SORCS3: variants seen among roughly 807,000 people sequenced by gnomAD.
The protein encoded by SORCS3 is VPS10 domain-containing receptor SorCS3.
Under a neutral mutation model 146.3 loss-of-function variants are expected in SORCS3, and 57 were observed. That is an observed-to-expected ratio of 0.39 (90% CI 0.31 to 0.49). The LOEUF is 0.49. Ranked by LOEUF, SORCS3 falls within the 20% of genes least tolerant of loss-of-function variation. SORCS3 has a pLI of 0.92. For missense variants in SORCS3, 1,341 were observed against 1,575.5 expected (o/e 0.85, Z 2.52); for synonymous variants, 653 against 618.5 (o/e 1.06, Z -0.83).
At chr10:105,176,407 G>A (rs896842827) in intron 13 of SORCS3, among the ~76,000 whole-genome samples, 2 of 151,826 alleles carry the variant, frequency 1.3e-5, no homozygotes, top group African/African-American at 4.8e-5. Flanking sequence ...AAAAAAATTA[G>A]CCAGGTCCAG....
intron 23 of SORCS3, among the ~76,000 whole-genome samples, chr10:105,253,677 T>C (rs945261803): frequency 5.9e-5 from 9 of 152,208 alleles, no homozygotes; most frequent in African/African-American, 1.9e-4. Flanking sequence ...AAACATTTGC[T>C]CTCATATGAG....
intron 2 of SORCS3, among the ~76,000 whole-genome samples, chr10:104,904,008 T>G (rs989410790): frequency 6.6e-6 from 1 of 152,234 alleles, no homozygotes; most frequent in African/African-American, 2.4e-5. Flanking sequence ...TATTTTAAAA[T>G]GAGTCAATAT....
At chr10:104,718,664 A>G (rs764652368) in intron 1 of SORCS3, among the ~76,000 whole-genome samples, 1 of 152,192 alleles carries the variant, frequency 6.6e-6, no homozygotes, top group Non-Finnish European at 1.5e-5. Context: ...GATTGCAGTA[A>G]TGGGCCCCTG....
At chr10:105,220,342 C>A (rs1302696887) in intron 19 of SORCS3, among the ~76,000 whole-genome samples, 1 of 152,150 alleles carries the variant, frequency 6.6e-6, no homozygotes, top group African/African-American at 2.4e-5. Flanking sequence ...TTGTGAACGC[C>A]ACATCCTTTT....
At chr10:104,828,427 A>G (rs141425362) in intron 1 of SORCS3, among the ~76,000 whole-genome samples, 29 of 152,274 alleles carry the variant, frequency 1.9e-4, no homozygotes, top group African/African-American at 6.0e-4. Context: ...ACATTTGTCA[A>G]TTAAGTTCAC....
rs943314807 is a variant in SORCS3 at position 105,264,400 on chromosome 10, A to G, written c.*1026A>G. 1 of 152,244 alleles carries G rather than the reference A, an allele frequency of 6.6e-6. No individual in the cohort carries two copies. The highest frequency in any genetic ancestry group is 1.5e-5 in the Non-Finnish European group (1 of 68,044). 9.4% of individuals were successfully genotyped at this position (152,244 alleles called of 1,614,324 possible). A position where few individuals can be genotyped will look rare whatever the true frequency, so the allele number is the denominator to read the frequency against. ...ATCTTAAAATGACAATCTGTTTTTA[A>G]ATTGGATTCTATGAAAATGCATAAT... is the stretch of plus-strand genomic sequence containing the variant. On this transcript the variant is annotated 3_prime_UTR_variant, in exon 27 of 27. Coordinates refer to ENST00000369701, the MANE Select transcript of SORCS3 (RefSeq NM_014978.3).
chr10:104,645,792 C>T lies in SORCS3; in HGVS notation c.627+3838C>T, dbSNP rs144446052. 1.1e-3 allele frequency among the ~76,000 whole-genome samples: 161 copies of T among 152,260 alleles called. 1 individual carries two copies. The highest frequency in any genetic ancestry group is 1.5e-3 in the South Asian group (7 of 4,822). On this transcript the variant is annotated intron_variant, in intron 1 of 26. Coordinates refer to ENST00000369701, the MANE Select transcript of SORCS3 (RefSeq NM_014978.3). The stretch of plus-strand genomic sequence containing the variant: ...TGGACTGTGTTCTAAAATATTTACT[C>T]CTAATGTGCAAAATAGTGACAGATT...
intron 1 of SORCS3, among the ~76,000 whole-genome samples, chr10:104,836,686 A>G (rs1484949391): frequency 6.6e-6 from 1 of 151,414 alleles, no homozygotes; most frequent in Non-Finnish European, 1.5e-5. Context: ...GTGCAATCCC[A>G]CTCTCCTTCT....
chr10:105,050,781 C>A (rs1226723953), intron 5 of SORCS3, among the ~76,000 whole-genome samples: 1 of 152,094 alleles, frequency 6.6e-6, no homozygotes, highest in East Asian at 1.9e-4. Context: ...GATCCTTATT[C>A]TTTGCTTGTT....
intron 11 of SORCS3, among the ~76,000 whole-genome samples, chr10:105,161,207 G>A (rs905252060): frequency 6.6e-6 from 1 of 152,190 alleles, no homozygotes; most frequent in African/African-American, 2.4e-5. Flanking sequence ...ATATAACTCA[G>A]CTGATGAGAT....
intron 16 of SORCS3, among the ~76,000 whole-genome samples, chr10:105,204,551 A>AT (rs991342335): frequency 6.6e-6 from 1 of 151,940 alleles, no homozygotes; most frequent in Non-Finnish European, 1.5e-5. Flanking sequence ...ATTTTATAGA[A>AT]TTTTTTTTGA....
intron 1 of SORCS3, among the ~76,000 whole-genome samples, chr10:104,675,447 CTT>C (rs1288111309): frequency 6.6e-6 from 1 of 151,950 alleles, no homozygotes; most frequent in Non-Finnish European, 1.5e-5. Context: ...GTTATAAAAT[CTT>C]TGTCTATTCC....
intron 11 of SORCS3, among the ~76,000 whole-genome samples, chr10:105,163,126 C>G (rs1014761335): frequency 7.9e-5 from 12 of 152,058 alleles, no homozygotes; most frequent in African/African-American, 2.4e-4. Context: ...AGCCCTGAGC[C>G]CAGGGGTTAT....
chr10:104,775,966 A>G (rs1174865623), intron 1 of SORCS3, among the ~76,000 whole-genome samples: 1 of 152,182 alleles, frequency 6.6e-6, no homozygotes, highest in East Asian at 1.9e-4. Context: ...TTTATTAAAG[A>G]GGCAGAAATT....
At chr10:104,671,532 A>T (rs766616167) in intron 1 of SORCS3, among the ~76,000 whole-genome samples, 1 of 149,532 alleles carries the variant, frequency 6.7e-6, no homozygotes, top group Non-Finnish European at 1.5e-5. Flanking sequence ...TTTTGTAGAG[A>T]TGAGGTCTTA....
chr10:105,153,478 G>GT (rs1174496227), intron 9 of SORCS3, among the ~76,000 whole-genome samples: 10 of 152,136 alleles, frequency 6.6e-5, no homozygotes, highest in Non-Finnish European at 1.3e-4. Flanking sequence ...GGATTGCTGA[G>GT]TTGAATGTAA....
intron 1 of SORCS3, among the ~76,000 whole-genome samples, chr10:104,803,433 A>G (rs1455763949): frequency 6.6e-6 from 1 of 152,144 alleles, no homozygotes; most frequent in Non-Finnish European, 1.5e-5. Flanking sequence ...GGGAATGGAG[A>G]GGCTGTGGGC....
chr10:105,185,959 C>T (rs1489548738), intron 14 of SORCS3, among the ~76,000 whole-genome samples: 1 of 152,130 alleles, frequency 6.6e-6, no homozygotes, highest in Non-Finnish European at 1.5e-5. Flanking sequence ...TCCATCTGGT[C>T]CAGGCACTTT....
At chr10:104,957,777 G>A (rs957369967) in intron 3 of SORCS3, among the ~76,000 whole-genome samples, 22 of 152,142 alleles carry the variant, frequency 1.4e-4, no homozygotes, top group African/African-American at 5.3e-4. Flanking sequence ...CTGCCTGTCT[G>A]GGGACCACCT....
Sources: gnomAD v4.1 joint callset for allele counts (sites outside exome capture counted in the v4.1 genomes callset) on GRCh38, gnomAD v4.1.1 for gene constraint, MANE v1.5 for transcripts, NCBI Gene and HGNC (gene_info 2026-07-23, HGNC 2026-07-21) for gene names.